TMEM39B: variants seen among roughly 807,000 people sequenced by gnomAD.
The protein encoded by TMEM39B is transmembrane protein 39B.
A neutral mutation model predicts 52.2 loss-of-function variants in TMEM39B; 23 were observed. The ratio of observed to expected loss-of-function variants is 0.44; its 90% CI spans 0.32 to 0.62. The LOEUF (loss-of-function observed/expected upper bound fraction) is 0.62. Ranked by LOEUF, TMEM39B falls within the 20% of genes least tolerant of loss-of-function variation. The pLI, the probability that TMEM39B is intolerant of heterozygous loss-of-function variation, is 0.06. For synonymous variants in TMEM39B, 285 were observed against 264.0 expected, an observed-to-expected ratio of 1.08 and a Z score of -0.77; for missense variants, 547 against 642.0, an observed-to-expected ratio of 0.85 and a Z score of 1.60.
rs187443250 is a variant in TMEM39B at position 32,095,176 on chromosome 1, G to T, written c.1115+205G>T. On this transcript the variant is annotated intron_variant, in intron 7 of 8. Transcript: ENST00000336294. ...CTTGGGTAACTTGCAGTGTACTGAA[G>T]ATGGGAGGGGACTGATGGTAATTCA... is the stretch of plus-strand genomic sequence containing the variant. Among the ~76,000 whole-genome samples, 15 of 152,346 alleles carry T rather than the reference G, an allele frequency of 9.8e-5. No individual in the cohort carries two copies. In the East Asian group the frequency reaches 2.1e-3, roughly 22 times the overall value.
At chr1:32,092,290 G>C (rs1220642418) in intron 6 of TMEM39B, among the ~76,000 whole-genome samples, 2 of 152,016 alleles carry the variant, frequency 1.3e-5, no homozygotes, top group Non-Finnish European at 2.9e-5. Context: ...TTGAGTAGCT[G>C]TGACTGCAGG....
intron 7 of TMEM39B, 23 bp downstream of exon 7, chr1:32,094,994 A>G: frequency 6.2e-7 from 1 of 1,608,484 alleles, no homozygotes; most frequent in South Asian, 1.1e-5. Context: ...ACCCTGCTCA[A>G]CCCAATCCCA....
At chr1:32,099,066 C>T (rs1165036393) in intron 7 of TMEM39B, among the ~76,000 whole-genome samples, 1 of 152,076 alleles carries the variant, frequency 6.6e-6, no homozygotes, top group Non-Finnish European at 1.5e-5. Context: ...GCCTGGGCAA[C>T]ATGGCGAAAC....
At position 32,100,465 on chromosome 1, in the gene TMEM39B, C is replaced by T; in HGVS notation, c.1139C>T (p.Pro380Leu). 1 of 1,604,856 alleles carries T rather than the reference C, an allele frequency of 6.2e-7. No individual in the cohort carries two copies. Among genetic ancestry groups the T allele is most frequent in the Non-Finnish European group, 8.5e-7 (1 of 1,175,322 alleles). Residue 380 changes from proline (P) to leucine (L), a missense_variant, in exon 8 of 9, where the codon CCG becomes CTG. By Grantham distance (98) the Pro-to-Leu change is moderately conservative. Coordinates refer to ENST00000336294, the MANE Select transcript of TMEM39B (RefSeq NM_018056.4). ...AGGTGGACTGAAGAATGCATGTGGC[C>T]GCAGGGCGTGCTGGTGAAGCACAGC... ...QHPWTEECMW[P>L]QGVLVKHSKN... is the part of the protein sequence containing the mutation.
rs1639696272 is a variant in TMEM39B at position 32,072,957 on chromosome 1, G to A, written c.-91G>A. ...CGCGGCTGATACCCGGGACTGGGCT[G>A]CGGCGGTTAGTCCTCTCCCGGCCGC... On this transcript the variant is annotated 5_prime_UTR_variant, in exon 1 of 9. Transcript: ENST00000336294. 2.7e-6 allele frequency: 4 copies of A among 1,493,766 alleles called. No homozygotes were observed. The highest frequency in any genetic ancestry group is 3.6e-6 in the Non-Finnish European group (4 of 1,109,754). The allele number at this position is 1,493,766 out of a possible 1,614,324, so 92.5% of individuals were successfully genotyped here.
chr1:32,098,452 G>A (rs755902630), intron 7 of TMEM39B, among the ~76,000 whole-genome samples: 9 of 152,226 alleles, frequency 5.9e-5, no homozygotes, highest in African/African-American at 1.9e-4. Context: ...AGCTCACTGG[G>A]CCAGGTGCAG....
chr1:32,100,963 G>A (rs1346997928), intron 8 of TMEM39B, among the ~76,000 whole-genome samples: 1 of 152,118 alleles, frequency 6.6e-6, no homozygotes, highest in African/African-American at 2.4e-5. Flanking sequence ...CTCAGGAGAC[G>A]GAGGTTGCAG....
intron 5 of TMEM39B, among the ~76,000 whole-genome samples, chr1:32,078,469 G>A (rs987714860): frequency 2.0e-5 from 3 of 151,696 alleles, no homozygotes. Flanking sequence ...AGCAACTGGA[G>A]TGAGGTCCTG....
At position 32,091,818 on chromosome 1, in the gene TMEM39B, C is replaced by T. The variant is rs202228399; in HGVS notation, c.734C>T (p.Thr245Met). 57 of 1,614,190 alleles carry T rather than the reference C, an allele frequency of 3.5e-5. No individual in the cohort carries two copies. The highest frequency in any genetic ancestry group is 8.9e-5 in the East Asian group (4 of 44,882). ...GACTACCTCCTGACACTGCGGGAGA[C>T]GTGGAAGCAGCACACAAGACAGCTG... is the stretch of plus-strand genomic sequence containing the variant. ...SRDYLLTLRE[T>M]WKQHTRQLYG... The change falls in exon 6 of 9, where the codon ACG (threonine) becomes ATG (methionine). Residue 245 changes from threonine to methionine, a missense_variant. Coordinates refer to ENST00000336294, the MANE Select transcript of TMEM39B (RefSeq NM_018056.4).
Position 32,077,332 on chromosome 1 carries a change from A to T in TMEM39B, c.590+14A>T. On this transcript the variant is annotated intron_variant, in intron 5 of 8. Transcript: ENST00000336294. ...CCTCTGCTATCCGTGAGTACCCCTC[A>T]CTTCACCCCTCACTGCCCAGCACCT... The T allele has an allele frequency of 6.2e-7, 1 of 1,613,502 alleles. No homozygotes were observed. The highest frequency in any genetic ancestry group is 8.5e-7 in the Non-Finnish European group (1 of 1,179,800).
At chr1:32,081,656 G>T (rs929524948) in intron 5 of TMEM39B, among the ~76,000 whole-genome samples, 3 of 151,124 alleles carry the variant, frequency 2.0e-5, no homozygotes, top group East Asian at 2.0e-4. Context: ...GCTGAGGCAG[G>T]AGAATTGCTT....
At chr1:32,075,996 T>C (rs1639842311) in intron 3 of TMEM39B, 174 bp downstream of exon 3, 1 of 536,716 alleles carries the variant, frequency 1.9e-6, no homozygotes, top group African/African-American at 1.9e-5. Flanking sequence ...ATTCACTGAA[T>C]ACTCCTAGTG....
rs772008324 is a variant in TMEM39B at position 32,094,805 on chromosome 1, C to T, written c.949C>T (p.Arg317Cys). Residue 317 changes from arginine to cysteine, a missense_variant, in exon 7 of 9, where the codon CGC (arginine) becomes TGC (cysteine). Arg to Cys is a radical substitution (Grantham distance 180). Coordinates refer to ENST00000336294, the MANE Select transcript of TMEM39B (RefSeq NM_018056.4). ...CCAGAACACACATTACTATGACAAGCGCTGGTCCTGTGAACTCTTCCTGCT... is the reference window on the plus strand; with the variant it reads ...CCAGAACACACATTACTATGACAAGTGCTGGTCCTGTGAACTCTTCCTGCT... The part of the protein sequence containing the change: ...FVKNTHYYDK[R>C]WSCELFLLVS... 2.1e-5 allele frequency: 34 copies of T among 1,614,122 alleles called. No individual in the cohort carries two copies. The highest frequency in any genetic ancestry group is 2.5e-5 in the Non-Finnish European group (30 of 1,180,056).
At chr1:32,087,837 G>A (rs1569903716) in intron 5 of TMEM39B, 1 of 147,720 alleles carries the variant, frequency 6.8e-6, no homozygotes, top group East Asian at 2.2e-4. Flanking sequence ...TTTTAGTAGA[G>A]ACGGGTTTTA....
intron 5 of TMEM39B, among the ~76,000 whole-genome samples, chr1:32,084,064 C>G (rs1640234228): frequency 6.6e-6 from 1 of 152,156 alleles, no homozygotes; most frequent in Admixed American, 6.5e-5. Context: ...CTATCAGTTA[C>G]TTAAAATCAT....
At chr1:32,088,796 A>C (rs1640486346) in intron 5 of TMEM39B, among the ~76,000 whole-genome samples, 1 of 151,606 alleles carries the variant, frequency 6.6e-6, no homozygotes, top group South Asian at 2.1e-4. Context: ...AGACCTTTGT[A>C]TGTTCACATA....
At position 32,072,958 on chromosome 1, in the gene TMEM39B, C is replaced by G. The variant is rs903498478; in HGVS notation, c.-90C>G. On this transcript the variant is annotated 5_prime_UTR_variant, in exon 1 of 9. Transcript: ENST00000336294. ...GCGGCTGATACCCGGGACTGGGCTG[C>G]GGCGGTTAGTCCTCTCCCGGCCGCC... 4.0e-6 allele frequency: 6 copies of G among 1,493,530 alleles called. No individual in the cohort carries two copies. The highest frequency in any genetic ancestry group is 3.7e-5 in the South Asian group (3 of 82,020). 92.5% of individuals were successfully genotyped at this position (1,493,530 alleles called of 1,614,324 possible).
chr1:32,076,975 AACAT>A, intron 4 of TMEM39B, 129 bp downstream of exon 4: 1 of 1,288,764 alleles, frequency 7.8e-7, no homozygotes, highest in East Asian at 2.3e-5. Flanking sequence ...TTGGTTGAAG[AACAT>A]TAGTTACATC....
At chr1:32,077,435 CCT>C in intron 5 of TMEM39B, 117 bp downstream of exon 5, 2 of 1,287,376 alleles carry the variant, frequency 1.6e-6, no homozygotes, top group Non-Finnish European at 2.2e-6. Flanking sequence ...GCAGCAACAT[CCT>C]CTCACATTGT....
Sources: gnomAD v4.1 joint callset for allele counts (sites outside exome capture counted in the v4.1 genomes callset) on GRCh38, gnomAD v4.1.1 for gene constraint, MANE v1.5 for transcripts, NCBI Gene and HGNC (gene_info 2026-07-23, HGNC 2026-07-21) for gene names.